The following MGST2 variants were observed in gnomAD, a reference collection of about 807,000 sequenced individuals.
MGST2 encodes the protein microsomal glutathione S-transferase 2.
Under a neutral mutation model 16.6 loss-of-function variants are expected in MGST2, and 9 were observed. The ratio of observed to expected loss-of-function variants is 0.54; its 90% CI spans 0.33 to 0.95. The LOEUF (loss-of-function observed/expected upper bound fraction) is 0.95. Ranked by LOEUF, MGST2 falls within the 40% of genes least tolerant of loss-of-function variation. MGST2 has a pLI of 0.03. For missense variants in MGST2, 159 were observed against 175.1 expected, an observed-to-expected ratio of 0.91 and a Z score of 0.52; for synonymous variants, 79 against 68.0, an observed-to-expected ratio of 1.16 and a Z score of -0.79.
At chr4:139,689,823 T>G (rs1397071114) in intron 2 of MGST2, among the ~76,000 whole-genome samples, 1 of 152,240 alleles carries the variant, frequency 6.6e-6, no homozygotes. Context: ...AGTTGCATAT[T>G]GTGTTCGTTG....
chr4:139,680,874 G>T (rs1438255441), intron 2 of MGST2, among the ~76,000 whole-genome samples: 4 of 152,040 alleles, frequency 2.6e-5, no homozygotes, highest in Non-Finnish European at 4.4e-5. Context: ...CTTTTGTTTG[G>T]AAACTATGGA....
chr4:139,736,613 C>T (rs2111009703), intron 5 of MGST2, among the ~76,000 whole-genome samples: 1 of 152,268 alleles, frequency 6.6e-6, no homozygotes, highest in South Asian at 2.1e-4. Flanking sequence ...CTCCCCATTC[C>T]CAGTATGGGC....
intron 5 of MGST2, among the ~76,000 whole-genome samples, chr4:139,716,567 T>TATC (rs10676794): frequency 0.4 from 61,348 of 151,522 alleles, 13,374 homozygotes; most frequent in African/African-American, 0.58. Context: ...ATTCAGAAAG[T>TATC]ATCATCAGTT....
chr4:139,669,886 C>G (rs1730579707), intron 1 of MGST2, among the ~76,000 whole-genome samples: 2 of 152,138 alleles, frequency 1.3e-5, no homozygotes, highest in Admixed American at 6.5e-5. Flanking sequence ...TGGTAGTAAA[C>G]AATTATTAGG....
chr4:139,719,338 C>A (rs747370492), intron 5 of MGST2: 2 of 1,591,912 alleles, frequency 1.3e-6, no homozygotes, highest in South Asian at 1.1e-5. Context: ...GGTTACCAAA[C>A]AATTCATCAA....
chr4:139,673,910 T>C (rs1037987025), intron 1 of MGST2, among the ~76,000 whole-genome samples: 1 of 152,058 alleles, frequency 6.6e-6, no homozygotes, highest in Non-Finnish European at 1.5e-5. Flanking sequence ...AGATAATAAA[T>C]CAATACATGG....
intron 5 of MGST2, chr4:139,731,190 G>A (rs975258988): frequency 6.2e-6 from 1 of 161,542 alleles, no homozygotes; most frequent in Non-Finnish European, 1.4e-5. Flanking sequence ...TGCAACATTT[G>A]AGAGCTTAGA....
intron 2 of MGST2, among the ~76,000 whole-genome samples, chr4:139,694,284 T>C (rs1444174524): frequency 6.6e-6 from 1 of 152,020 alleles, no homozygotes; most frequent in East Asian, 1.9e-4. Context: ...TCTAGATCAA[T>C]TGCCTTGTAA....
downstream of MGST2, chr4:139,704,384 C>T (rs561135784): frequency 1.1e-4 from 60 of 523,782 alleles, no homozygotes; most frequent in Non-Finnish European, 1.9e-4. Context: ...ATGCTGAAGT[C>T]ATGACCGGTT....
downstream of MGST2, among the ~76,000 whole-genome samples, chr4:139,744,980 T>C (rs1040730326): frequency 6.6e-6 from 1 of 152,218 alleles, no homozygotes; most frequent in African/African-American, 2.4e-5. Context: ...GCTTCAGTAT[T>C]CTCCTTTATG....
chr4:139,727,294 G>A (rs565558088), intron 5 of MGST2, among the ~76,000 whole-genome samples: 64 of 152,344 alleles, frequency 4.2e-4, no homozygotes, highest in African/African-American at 1.5e-3. Context: ...GACCATTAAA[G>A]TGTAGACAAG....
rs549328546 is a variant in MGST2, at chr4:139,711,307, C to T, written c.*48+7111C>T. On this transcript the variant is annotated intron_variant, in intron 5 of 5. Transcript: ENST00000616265. ...ACCCCAAGAGAAGGTTCTTGGATCT[C>T]GTGCAAGAAAGAATTCTTGCACGAG... 4.0e-4 allele frequency among the ~76,000 whole-genome samples: 61 copies of T among 152,164 alleles called. 1 individual carries two copies. Among genetic ancestry groups the T allele is most frequent in the Admixed American group, 3.9e-3 (59 of 15,290 alleles).
At chr4:139,688,902 T>A (rs1726406706) in intron 2 of MGST2, among the ~76,000 whole-genome samples, 1 of 151,574 alleles carries the variant, frequency 6.6e-6, no homozygotes, top group Non-Finnish European at 1.5e-5. Flanking sequence ...AGGTCAGGAG[T>A]TCAGGACCAG....
At chr4:139,681,956 C>T (rs1464896345) in intron 2 of MGST2, among the ~76,000 whole-genome samples, 1 of 151,914 alleles carries the variant, frequency 6.6e-6, no homozygotes, top group South Asian at 2.1e-4. Flanking sequence ...CTCAGTAGGC[C>T]CAGGCGGGAG....
chr4:139,722,990 C>T (rs6835548), intron 5 of MGST2, among the ~76,000 whole-genome samples: 28,748 of 152,168 alleles, frequency 0.19, 3,089 homozygotes, highest in East Asian at 0.25. Context: ...CCGTGTTCCA[C>T]GTCACGAATA....
chr4:139,711,345 G>A (rs1727734692), intron 5 of MGST2, among the ~76,000 whole-genome samples: 1 of 152,142 alleles, frequency 6.6e-6, no homozygotes, highest in African/African-American at 2.4e-5. Context: ...AGTGCTCAGT[G>A]CAAAGTGAAA....
Position 139,704,029 on chromosome 4 carries a change from C to T in MGST2, c.325C>T (p.Arg109Ter), listed in dbSNP as rs147869298. ...TCCACTCTGCAGGATCACCGGTTTC[C>T]GACTGAGTCTGGGGATTTTGGCCTT... is the stretch of plus-strand genomic sequence containing the variant. ...EAAKKRITGF[R>*]LSLGILALLT... Residue 109 changes from arginine (R) to a stop codon, truncating the protein, a stop_gained, in exon 5 of 5, where the codon CGA becomes TGA. Transcript: ENST00000265498. LOFTEE classifies it low-confidence loss of function (END_TRUNC). 1,763 of 1,614,120 alleles carry T rather than the reference C, an allele frequency of 1.1e-3. 2 individuals carry two copies. Among genetic ancestry groups the T allele is most frequent in the Middle Eastern group, 1.5e-3 (9 of 6,062 alleles).
intron 5 of MGST2, among the ~76,000 whole-genome samples, chr4:139,714,641 C>G (rs550518294): frequency 2.6e-4 from 39 of 152,312 alleles, no homozygotes; most frequent in African/African-American, 9.1e-4. Flanking sequence ...CATCTTTAAT[C>G]TAACCTCCGA....
At chr4:139,672,739 C>T (rs2646045) in intron 1 of MGST2, among the ~76,000 whole-genome samples, 5,621 of 152,062 alleles carry the variant, frequency 0.037, 121 homozygotes, top group African/African-American at 0.06. Flanking sequence ...TTAGTAGAGA[C>T]GGGGTTTCAC....
Sources: allele counts gnomAD v4.1 joint callset (sites outside exome capture counted in the v4.1 genomes callset), GRCh38; gene constraint gnomAD v4.1.1; transcripts MANE v1.5; gene names NCBI Gene and HGNC (gene_info 2026-07-23, HGNC 2026-07-21).